Variants in ARHGAP29 observed in about 807,000 individuals in gnomAD.
ARHGAP29 encodes the protein Rho GTPase activating protein 29.
In ARHGAP29, 43 loss-of-function variants were observed where a neutral mutation model predicts 122.6. That is an observed-to-expected ratio of 0.35 (90% CI 0.27 to 0.45). ARHGAP29 has a LOEUF of 0.45. Among genes scored for constraint, ARHGAP29 ranks in the 20% least tolerant of loss-of-function variants. ARHGAP29 has a pLI of 1.00. For synonymous variants in ARHGAP29, 506 were observed against 497.1 expected (o/e 1.02, Z -0.24); for missense variants, 1,303 against 1,477.2 (o/e 0.88, Z 1.93).
At position 94,184,140 on chromosome 1, in the gene ARHGAP29, A is replaced by G. The variant is rs1338470741; in HGVS notation, c.2247+11T>C. 20 of 1,601,846 alleles carry G rather than the reference A, an allele frequency of 1.2e-5. No individual in the cohort carries two copies. Among genetic ancestry groups the G allele is most frequent in the Admixed American group, 1.8e-5 (1 of 56,230 alleles). Reference sequence around the variant, plus strand: ...AATTTAATGGTGGGTTTCAAGGGTAAAAATTTTTACCTGCCGAAGGTATAA... The same window carrying G: ...AATTTAATGGTGGGTTTCAAGGGTAGAAATTTTTACCTGCCGAAGGTATAA... On this transcript the variant is annotated intron_variant, in intron 19 of 22. Transcript: ENST00000260526.
intron 19 of ARHGAP29, among the ~76,000 whole-genome samples, chr1:94,183,293 T>C (rs1649593436): frequency 6.6e-6 from 1 of 152,154 alleles, no homozygotes; most frequent in African/African-American, 2.4e-5. Flanking sequence ...TCTCTGACAT[T>C]ATCTCTTCAT....
the ARHGAP29 span, among the ~76,000 whole-genome samples, chr1:94,299,986 C>T: frequency 6.6e-6 from 1 of 152,120 alleles, no homozygotes; most frequent in African/African-American, 2.4e-5. Context: ...AAAAAGTGTA[C>T]CAGTCTGTTA....
rs775221098 is a variant in ARHGAP29, at chr1:94,233,661, C to T, written c.-32-2018G>A. Among the ~76,000 whole-genome samples, 28 of 152,184 alleles carry T rather than the reference C, an allele frequency of 1.8e-4. 1 individual carries two copies. Among genetic ancestry groups the T allele is most frequent in the Admixed American group, 1.2e-3 (19 of 15,288 alleles). On this transcript the variant is annotated intron_variant, in intron 1 of 22. Transcript: ENST00000260526. Reference sequence around the variant, plus strand: ...TGGAGACACACCTGCTGGCTCTCAACACTCCTGCCACACACACCTCCTTCT... The same window carrying T: ...TGGAGACACACCTGCTGGCTCTCAATACTCCTGCCACACACACCTCCTTCT...
chr1:94,312,355 G>GTTTTTTTTTTTT, the ARHGAP29 span, among the ~76,000 whole-genome samples: 10 of 88,782 alleles, frequency 1.1e-4, no homozygotes, highest in Non-Finnish European at 1.4e-4. Context: ...ATTTTTATTT[G>GTTTTTTTTTTTT]TTTTTTTTTT....
At chr1:94,185,142 C>A in intron 17 of ARHGAP29, 82 bp from the exon 18 acceptor site, 2 of 1,359,082 alleles carry the variant, frequency 1.5e-6, no homozygotes, top group Admixed American at 2.6e-5. Context: ...GGTAACACAA[C>A]AAAAATGAGT....
rs1266551558 is a variant in ARHGAP29 at position 94,237,543 on chromosome 1, G to A, written c.-161C>T. The A allele has an allele frequency of 2.0e-6, 2 of 990,550 alleles. No individual in the cohort carries two copies. The highest frequency in any genetic ancestry group is 2.4e-6 in the Non-Finnish European group (2 of 833,766). 61.4% of individuals were successfully genotyped at this position (990,550 alleles called of 1,614,324 possible). ...GCGGACGCCCGGCCAAATCTCAGCC[G>A]CAGCCGCAGCCGCAGCCACAGCCAC... is the stretch of plus-strand genomic sequence containing the variant. On this transcript the variant is annotated 5_prime_UTR_variant, in exon 1 of 23. Transcript: ENST00000260526.
intron 8 of ARHGAP29, 47 bp from the exon 9 acceptor site, chr1:94,203,257 A>G (rs1389600432): frequency 2.1e-6 from 3 of 1,403,978 alleles, no homozygotes; most frequent in Non-Finnish European, 3.0e-6. Flanking sequence ...AAATGGCACT[A>G]GAATTCCAAA....
intron 1 of ARHGAP29, among the ~76,000 whole-genome samples, chr1:94,251,076 T>A (rs1654063934): frequency 6.6e-6 from 1 of 152,240 alleles, no homozygotes; most frequent in African/African-American, 2.4e-5. Context: ...TATAAATGTC[T>A]AGTTATTGTG....
At position 94,203,931 on chromosome 1, in the gene ARHGAP29, T is replaced by C. The variant is rs1651025834; in HGVS notation, c.761A>G (p.Gln254Arg). The change falls in exon 8 of 23, where the codon CAG becomes CGG. Residue 254 changes from glutamine to arginine, a missense_variant and splice_region_variant. Gln to Arg is a conservative substitution (Grantham distance 43). Around this residue, in one of 3 missense-constraint regions of ARHGAP29, gnomAD observed 592 missense variants for 648.2 expected, o/e 0.91. Transcript: ENST00000260526. ...CCCCGAAGTTCACAGAACACTTACC[T>C]GAATTCCAATGTTAGTTCTAGTTGC... ...AEATRTNIGI[Q>R]EFMPLQSLFT... 6.2e-7 allele frequency: 1 copy of C among 1,613,570 alleles called. No individual in the cohort carries two copies. The highest frequency in any genetic ancestry group is 8.5e-7 in the Non-Finnish European group (1 of 1,179,738).
At chr1:94,243,146 T>C (rs1653664058) in intron 1 of ARHGAP29, among the ~76,000 whole-genome samples, 1 of 152,030 alleles carries the variant, frequency 6.6e-6, no homozygotes, top group African/African-American at 2.4e-5. Context: ...TAACAGAAAA[T>C]CATTAAGGAT....
chr1:94,261,426 T>G (rs963634450), intron 1 of ARHGAP29, among the ~76,000 whole-genome samples: 1 of 152,186 alleles, frequency 6.6e-6, no homozygotes, highest in Non-Finnish European at 1.5e-5. Flanking sequence ...TAGCTACATC[T>G]CAACAAAATT....
chr1:94,284,686 C>T, the ARHGAP29 span, among the ~76,000 whole-genome samples: 1 of 152,176 alleles, frequency 6.6e-6, no homozygotes, highest in Non-Finnish European at 1.5e-5. Context: ...AGACATAAAG[C>T]ATGAAAGAGA....
At chr1:94,283,692 T>C in the ARHGAP29 span, among the ~76,000 whole-genome samples, 44 of 152,346 alleles carry the variant, frequency 2.9e-4, no homozygotes, top group African/African-American at 9.6e-4. Flanking sequence ...TAACTCTGTA[T>C]GTTAAGTCAT....
At chr1:94,296,273 GCT>G in the ARHGAP29 span, among the ~76,000 whole-genome samples, 5 of 152,132 alleles carry the variant, frequency 3.3e-5, no homozygotes, top group Admixed American at 2.6e-4. Flanking sequence ...TCACTTAGTA[GCT>G]CTCTCAGTTA....
intron 12 of ARHGAP29, among the ~76,000 whole-genome samples, 198 bp downstream of exon 12, chr1:94,201,506 TTCTCTCTCTCTCTCTC>T (rs111304569): frequency 1.9e-4 from 27 of 141,152 alleles, no homozygotes; most frequent in African/African-American, 1.6e-4. Flanking sequence ...CCTTCCTTCC[TTCTCTCTCTCTCTCTC>T]TCTCTCTCTC....
chr1:94,216,533 A>ATT (rs1651965666), intron 3 of ARHGAP29, among the ~76,000 whole-genome samples: 1 of 152,170 alleles, frequency 6.6e-6, no homozygotes. Context: ...GCAACAAAGA[A>ATT]ACTTCATCAT....
intron 1 of ARHGAP29, among the ~76,000 whole-genome samples, chr1:94,253,622 G>A (rs552712221): frequency 2.7e-5 from 4 of 148,620 alleles, no homozygotes; most frequent in Non-Finnish European, 6.0e-5. Flanking sequence ...GTTGTCCGCA[G>A]GCATCTGGAA....
chr1:94,237,776 A>G, upstream of ARHGAP29: 3 of 985,394 alleles, frequency 3.0e-6, no homozygotes, highest in African/African-American at 1.7e-5. Flanking sequence ...TCCCAGCATC[A>G]CGGGCTGCGT....
chr1:94,285,873 C>CAAAAAAAAAAAAAAAAAAAAAAAAAA, the ARHGAP29 span, among the ~76,000 whole-genome samples: 1 of 72,640 alleles, frequency 1.4e-5, no homozygotes, highest in African/African-American at 5.1e-5. Context: ...GACTCTGTCT[C>CAAAAAAAAAAAAAAAAAAAAAAAAAA]AAAAAAAAAA....
Sources: gnomAD v4.1 joint callset for allele counts (sites outside exome capture counted in the v4.1 genomes callset) on GRCh38, gnomAD v4.1.1 for gene constraint, gnomAD v4.1.1 regional missense constraint, MANE v1.5 for transcripts, NCBI Gene and HGNC (gene_info 2026-07-23, HGNC 2026-07-21) for gene names.